The following SEC24B variants were observed in gnomAD, a reference collection of about 807,000 sequenced individuals.
SEC24B encodes SEC24 homolog B, COPII component.
Under a neutral mutation model 142.8 loss-of-function variants are expected in SEC24B, and 45 were observed. The ratio of observed to expected loss-of-function variants is 0.32; its 90% CI spans 0.25 to 0.40. The LOEUF (loss-of-function observed/expected upper bound fraction) is 0.40, where lower values mean the gene tolerates loss of function less well. Among genes scored for constraint, SEC24B ranks in the 10% least tolerant of loss-of-function variants. The probability of loss-of-function intolerance (pLI) is 1.00; values close to 1 mark genes in which losing one functional copy is unlikely to be tolerated. For missense variants in SEC24B, 1,409 were observed against 1,526.8 expected (o/e 0.92, Z 1.29); for synonymous variants, 574 against 568.2 (o/e 1.01, Z -0.15).
chr4:109,513,091 C>T lies in SEC24B; in HGVS notation c.1904-656C>T, dbSNP rs572307244. Among the ~76,000 whole-genome samples, 7 of 151,266 alleles carry T rather than the reference C, an allele frequency of 4.6e-5. No homozygotes were observed. The East Asian group carries it at 1.4e-3, about 30-fold the overall frequency. ...CCGGGTTCAAGCAATTCTTCTGCCT[C>T]AGCCTCCCGAGTAGCTGGGACTACA... On this transcript the variant is annotated intron_variant, in intron 9 of 23. Coordinates refer to ENST00000265175, the MANE Select transcript of SEC24B (RefSeq NM_006323.5).
chr4:109,471,840 C>G (rs547481089), intron 2 of SEC24B, among the ~76,000 whole-genome samples: 15 of 152,202 alleles, frequency 9.9e-5, no homozygotes, highest in Admixed American at 1.3e-4. Context: ...GACTTGAGGT[C>G]TGGGACTTGT....
intron 1 of SEC24B, among the ~76,000 whole-genome samples, chr4:109,460,645 T>C (rs1731155461): frequency 1.3e-5 from 2 of 152,086 alleles, no homozygotes; most frequent in South Asian, 4.1e-4. Context: ...TTAAACATCT[T>C]GACTTTTGTG....
intron 1 of SEC24B, among the ~76,000 whole-genome samples, chr4:109,447,746 GTC>G (rs199628079): frequency 4.3e-4 from 66 of 151,872 alleles, no homozygotes; most frequent in African/African-American, 1.6e-3. Flanking sequence ...ATGATGGAGA[GTC>G]TTTGCATTGT....
intron 3 of SEC24B, among the ~76,000 whole-genome samples, chr4:109,480,630 G>T (rs879893695): frequency 6.6e-6 from 1 of 152,102 alleles, no homozygotes; most frequent in South Asian, 2.1e-4. Context: ...ACAGGCGTGC[G>T]CCACCACGCC....
intron 22 of SEC24B, among the ~76,000 whole-genome samples, 183 bp from the exon 23 acceptor site, chr4:109,538,310 A>T (rs932974664): frequency 6.6e-6 from 1 of 152,216 alleles, no homozygotes; most frequent in African/African-American, 2.4e-5. Flanking sequence ...TATTTTATTG[A>T]CTTATCCAGA....
Position 109,538,089 on chromosome 4 carries a change from A to G in SEC24B, c.3589-404A>G, listed in dbSNP as rs143990127. ...AAAGAAAACATGAAATTCTCCCAGA[A>G]TGGCTGTTTTTAGAATAGGATATAA... On this transcript the variant is annotated intron_variant, in intron 22 of 23. Coordinates refer to ENST00000265175, the MANE Select transcript of SEC24B (RefSeq NM_006323.5). Among the ~76,000 whole-genome samples, 630 of 152,352 alleles carry G rather than the reference A, an allele frequency of 4.1e-3. 5 individuals carry two copies. The highest frequency in any genetic ancestry group is 7.8e-3 in the Non-Finnish European group (530 of 68,034).
At chr4:109,470,237 C>G (rs1363759291) in intron 2 of SEC24B, among the ~76,000 whole-genome samples, 1 of 152,200 alleles carries the variant, frequency 6.6e-6, no homozygotes, top group Non-Finnish European at 1.5e-5. Flanking sequence ...TATCTGTCTT[C>G]CATATACTCT....
chr4:109,477,386 C>T (rs1733288266), intron 3 of SEC24B, among the ~76,000 whole-genome samples: 1 of 151,916 alleles, frequency 6.6e-6, no homozygotes, highest in South Asian at 2.1e-4. Flanking sequence ...TAGCTCAGCT[C>T]ACTGCAGCCT....
intron 8 of SEC24B, among the ~76,000 whole-genome samples, chr4:109,511,304 T>C (rs977639954): frequency 2.0e-5 from 3 of 152,012 alleles, no homozygotes; most frequent in Non-Finnish European, 4.4e-5. Flanking sequence ...ACAACAGATA[T>C]GTGGTTACTT....
At chr4:109,491,480 T>C in intron 5 of SEC24B, 73 bp downstream of exon 5, 1 of 1,105,086 alleles carries the variant, frequency 9.0e-7, no homozygotes, top group South Asian at 1.3e-5. Context: ...AATGTGAACA[T>C]GTATTACACA....
chr4:109,505,848 A>G (rs1736623645), intron 6 of SEC24B, among the ~76,000 whole-genome samples: 1 of 152,238 alleles, frequency 6.6e-6, no homozygotes, highest in Non-Finnish European at 1.5e-5. Context: ...TTTGAACATC[A>G]TAAGAATAAT....
chr4:109,516,875 TCTAA>T (rs1722989529), intron 11 of SEC24B, among the ~76,000 whole-genome samples: 2 of 152,188 alleles, frequency 1.3e-5, no homozygotes, highest in African/African-American at 4.8e-5. Flanking sequence ...TTAGATCTCA[TCTAA>T]CTGTCTGACT....
At chr4:109,504,689 C>G (rs1372483583) in intron 6 of SEC24B, among the ~76,000 whole-genome samples, 3 of 152,112 alleles carry the variant, frequency 2.0e-5, no homozygotes, top group Non-Finnish European at 4.4e-5. Context: ...TGATTAGTGC[C>G]TCATACAATG....
At chr4:109,450,621 GCACTC>G (rs1326844900) in intron 1 of SEC24B, among the ~76,000 whole-genome samples, 2 of 142,000 alleles carry the variant, frequency 1.4e-5, no homozygotes, top group Non-Finnish European at 3.0e-5. Context: ...TCACGCCACT[GCACTC>G]CAACCTGGGT....
At chr4:109,519,405 T>C (rs1723361410) in intron 11 of SEC24B, among the ~76,000 whole-genome samples, 1 of 152,098 alleles carries the variant, frequency 6.6e-6, no homozygotes, top group South Asian at 2.1e-4. Flanking sequence ...ATTGAGAAAG[T>C]AAAAGAAAAA....
intron 3 of SEC24B, among the ~76,000 whole-genome samples, chr4:109,475,414 A>G (rs751048107): frequency 4.6e-5 from 7 of 152,226 alleles, no homozygotes; most frequent in Non-Finnish European, 1.0e-4. Flanking sequence ...AAGTGATTAT[A>G]CTTAAAAAGA....
chr4:109,454,278 C>G (rs1384898339), intron 1 of SEC24B, among the ~76,000 whole-genome samples: 2 of 152,020 alleles, frequency 1.3e-5, no homozygotes, highest in Non-Finnish European at 2.9e-5. Flanking sequence ...GTAGCTCTCG[C>G]CTATAATCCC....
intron 1 of SEC24B, among the ~76,000 whole-genome samples, chr4:109,461,642 C>T (rs900841913): frequency 6.6e-6 from 1 of 152,092 alleles, no homozygotes; most frequent in African/African-American, 2.4e-5. Context: ...CTTACATATG[C>T]ATTACATAGA....
chr4:109,530,595 T>G (rs1259508696), intron 19 of SEC24B, 131 bp downstream of exon 19: 1 of 794,536 alleles, frequency 1.3e-6, no homozygotes, highest in East Asian at 2.7e-5. Context: ...TGAAAGAGTT[T>G]TGAAGAATAG....
Sources: allele counts gnomAD v4.1 joint callset (sites outside exome capture counted in the v4.1 genomes callset), GRCh38; gene constraint gnomAD v4.1.1; transcripts MANE v1.5; gene names NCBI Gene and HGNC (gene_info 2026-07-23, HGNC 2026-07-21).